The following MSN variants were observed in gnomAD, a reference collection of about 807,000 sequenced individuals.
The protein encoded by MSN is moesin.
MSN carries 2 observed loss-of-function variants against 48.0 expected under a neutral mutation model. The ratio of observed to expected loss-of-function variants is 0.04; its 90% confidence interval spans 0.02 to 0.13. MSN has a LOEUF of 0.13. MSN is among the 10% of genes least tolerant of loss of function. MSN has a pLI of 1.00. For synonymous variants in MSN, 146 were observed against 166.9 expected (o/e 0.87, Z 0.97); for missense variants, 267 against 470.1 (o/e 0.57, Z 3.99).
chrX:65,699,383 T>C (rs1378559124), intron 1 of MSN, among the ~76,000 whole-genome samples: 1 of 111,689 alleles, frequency 9.0e-6, no homozygotes, highest in Non-Finnish European at 1.9e-5. Flanking sequence ...CTATTCTCCT[T>C]TCCCAAAGAC....
intron 2 of MSN, among the ~76,000 whole-genome samples, chrX:65,724,612 C>G (rs746202237): frequency 1.8e-5 from 2 of 112,233 alleles, no homozygotes; most frequent in Admixed American, 9.4e-5. Context: ...TACAATTAGT[C>G]TGTTAGTACA....
chrX:65,732,020 C>T (rs1038726667), intron 6 of MSN, 36 bp downstream of exon 6: 50 of 1,180,567 alleles, frequency 4.2e-5, no homozygotes, highest in Non-Finnish European at 4.9e-5. Context: ...ATTTAGGTCA[C>T]GTTAACATCT....
intron 1 of MSN, among the ~76,000 whole-genome samples, chrX:65,695,705 C>T (rs924308265): frequency 9.1e-6 from 1 of 109,855 alleles, no homozygotes; most frequent in Admixed American, 9.7e-5. Flanking sequence ...GTCTATCTTG[C>T]CTGGCTTTGT....
chrX:65,662,625 C>T (rs766899387), intron 1 of MSN, among the ~76,000 whole-genome samples: 2 of 112,491 alleles, frequency 1.8e-5, no homozygotes, highest in African/African-American at 3.2e-5. Flanking sequence ...TCACCATTTA[C>T]AGAAATTAAC....
In MSN at chrX:65,618,900, C is replaced by T. The variant is rs1286485855; in HGVS notation, c.-22+30288C>T. Among the ~76,000 whole-genome samples the T allele has an allele frequency of 2.7e-5, 3 of 110,349 alleles. No homozygotes were observed. The East Asian group carries it at 8.5e-4, about 31-fold the overall frequency. On this transcript the variant is annotated intron_variant, in intron 1 of 3. Coordinates refer to the MSN transcript ENST00000609672. The stretch of plus-strand genomic sequence containing the variant: ...CTTCAGGAGCTCTTGTAAGGCAGGC[C>T]TGGTGGTGACAAAATCTCTCAGCAT...
At chrX:65,739,585 T>C in intron 12 of MSN, 144 bp from the exon 13 acceptor site, 1 of 676,625 alleles carries the variant, frequency 1.5e-6, no homozygotes, top group South Asian at 4.4e-5. Context: ...TCTAACAGAG[T>C]TGGAAATGAC....
chrX:65,628,703 G>GA (rs1291431082), intron 1 of MSN, among the ~76,000 whole-genome samples: 1 of 107,228 alleles, frequency 9.3e-6, no homozygotes, highest in Non-Finnish European at 1.9e-5. Context: ...TAAAAAAAAT[G>GA]TTTTTTTTTT....
intron 1 of MSN, among the ~76,000 whole-genome samples, chrX:65,617,175 T>G (rs1293624917): frequency 2.8e-5 from 3 of 105,509 alleles, no homozygotes; most frequent in African/African-American, 4.0e-5. Flanking sequence ...TCTCTTTTTT[T>G]GTTGTGTCTG....
intron 1 of MSN, among the ~76,000 whole-genome samples, chrX:65,602,178 G>T (rs1485179413): frequency 8.9e-6 from 1 of 112,451 alleles, no homozygotes; most frequent in East Asian, 2.8e-4. Flanking sequence ...CAGTGGATTT[G>T]TGTGCAAACT....
At chrX:65,635,736 A>G (rs2070593316) in intron 1 of MSN, among the ~76,000 whole-genome samples, 1 of 112,137 alleles carries the variant, frequency 8.9e-6, no homozygotes, top group Non-Finnish European at 1.9e-5. Flanking sequence ...ACAAAACAAC[A>G]GTAACGCTGT....
intron 6 of MSN, among the ~76,000 whole-genome samples, chrX:65,732,918 G>C (rs12394949): frequency 7.1e-5 from 8 of 111,928 alleles, no homozygotes; most frequent in Admixed American, 1.9e-4. Context: ...ACCTCCTCCA[G>C]AGAGAAGTGT....
At chrX:65,637,834 G>A (rs1041499383) in intron 1 of MSN, among the ~76,000 whole-genome samples, 10 of 111,287 alleles carry the variant, frequency 9.0e-5, no homozygotes, top group African/African-American at 1.6e-4. Flanking sequence ...CTATTGAATC[G>A]TTACCTTTCA....
At chrX:65,728,418 C>T (rs910033351) in intron 3 of MSN, among the ~76,000 whole-genome samples, 6 of 111,157 alleles carry the variant, frequency 5.4e-5, no homozygotes, top group East Asian at 2.8e-4. Context: ...TTCAGCCTCT[C>T]GAGTAGCTGG....
chrX:65,629,900 C>T (rs1396351700), intron 1 of MSN, among the ~76,000 whole-genome samples: 1 of 111,685 alleles, frequency 9.0e-6, no homozygotes, highest in African/African-American at 3.3e-5. Context: ...ACAATTCACT[C>T]AGGCGAGGTG....
intron 1 of MSN, among the ~76,000 whole-genome samples, chrX:65,709,079 C>T (rs2071390503): frequency 8.9e-6 from 1 of 112,288 alleles, no homozygotes; most frequent in African/African-American, 3.2e-5. Flanking sequence ...GGGTTGATTC[C>T]ATATCTTGGC....
chrX:65,729,787 C>T, intron 4 of MSN, 75 bp downstream of exon 4: 2 of 1,046,948 alleles, frequency 1.9e-6, no homozygotes, highest in Non-Finnish European at 2.6e-6. Context: ...CCCTGCCTCA[C>T]AGGGATGCCA....
chrX:65,615,947 A>G (rs1407538409), intron 1 of MSN, among the ~76,000 whole-genome samples: 18 of 111,176 alleles, frequency 1.6e-4, no homozygotes, highest in Admixed American at 1.5e-3. Context: ...TCCCAGCACC[A>G]TTTATTAAAT....
At chrX:65,604,619 C>T (rs1426853104) in intron 1 of MSN, among the ~76,000 whole-genome samples, 1 of 111,644 alleles carries the variant, frequency 9.0e-6, no homozygotes, top group Non-Finnish European at 1.9e-5. Context: ...AAACATCTTT[C>T]CCCCAAATCT....
chrX:65,593,750 G>A (rs1489790572), intron 1 of MSN, among the ~76,000 whole-genome samples: 1 of 111,791 alleles, frequency 8.9e-6, no homozygotes, highest in African/African-American at 3.3e-5. Flanking sequence ...ACCATGTTGC[G>A]CAGGCTGGTC....
Sources: allele counts gnomAD v4.1 joint callset (sites outside exome capture counted in the v4.1 genomes callset), GRCh38; gene constraint gnomAD v4.1.1; transcripts MANE v1.5; gene names NCBI Gene and HGNC (gene_info 2026-07-23, HGNC 2026-07-21).